The following GTSE1 variants were observed in gnomAD, a reference collection of about 807,000 sequenced individuals.
GTSE1 encodes the protein G2 and S phase-expressed protein 1.
In GTSE1, 52 loss-of-function variants were observed where a neutral mutation model predicts 60.5. The ratio of observed to expected loss-of-function variants is 0.86; its 90% CI spans 0.69 to 1.08. GTSE1 has a LOEUF of 1.08. GTSE1 is among the 50% of genes least tolerant of loss of function. GTSE1 has a pLI of 0.00. For synonymous variants in GTSE1, 368 were observed against 386.5 expected (o/e 0.95, Z 0.56); for missense variants, 937 against 961.8 (o/e 0.97, Z 0.34).
intron 9 of GTSE1, among the ~76,000 whole-genome samples, chr22:46,328,087 G>A (rs1009999340): frequency 1.1e-4 from 16 of 152,350 alleles, no homozygotes; most frequent in African/African-American, 3.8e-4. Context: ...ATGGACCTGC[G>A]GCTTTGCTGG....
At chr22:46,315,930 T>G in intron 6 of GTSE1, 102 bp from the exon 7 acceptor site, 1 of 905,414 alleles carries the variant, frequency 1.1e-6, no homozygotes, top group Non-Finnish European at 1.7e-6. Flanking sequence ...TAATGTGTCT[T>G]ATGTTTAAGG....
chr22:46,329,501 C>T lies in GTSE1; in HGVS notation c.2070C>T (p.Ile690=), dbSNP rs758162381. ...VAVGSESRPL[I]DLMTNTPDMN... ...TAGGATCTGAAAGCAGGCCTCTGATCGACCTCATGACAAACACTCCAGACA... is the reference window on the plus strand; with the variant it reads ...TAGGATCTGAAAGCAGGCCTCTGATTGACCTCATGACAAACACTCCAGACA... The change falls in exon 11 of 12, where the codon ATC becomes ATT. Residue 690 remains isoleucine (I), a synonymous_variant. Transcript: ENST00000454366. This position sits in a 1 kb window ranked among gnomAD's most constrained non-coding sequence, Gnocchi z 6.4. 22 of 1,614,188 alleles carry T rather than the reference C, an allele frequency of 1.4e-5. No homozygotes were observed. Among genetic ancestry groups the T allele is most frequent in the South Asian group, 2.2e-5 (2 of 91,076 alleles).
At position 46,304,159 on chromosome 22, in the gene GTSE1, T is replaced by C. The variant is rs1487519984; in HGVS notation, c.80-3991T>C. The stretch of plus-strand genomic sequence containing the variant: ...TATATGGCACCATACCCCGCTCATT[T>C]TTTTTTTTCTTTTTGTAGAGCTGGG... On this transcript the variant is annotated intron_variant, in intron 2 of 11. Transcript: ENST00000454366. The surrounding 1 kb of genome is among the most constrained non-coding windows in gnomAD (Gnocchi z 4.4). 6.6e-6 allele frequency among the ~76,000 whole-genome samples: 1 copy of C among 152,020 alleles called. No homozygotes were observed. Among genetic ancestry groups the C allele is most frequent in the Non-Finnish European group, 1.5e-5 (1 of 67,982 alleles).
At chr22:46,323,094 G>A in intron 7 of GTSE1, 96 bp from the exon 8 acceptor site, 1 of 828,858 alleles carries the variant, frequency 1.2e-6, no homozygotes. Context: ...GGACAGTGGA[G>A]ATACTCGGAG....
rs2077737537 is a variant in GTSE1, at chr22:46,309,693, C to CAGGAGATGGG, written c.762+750_762+751insAGGAGATGGG. Among the ~76,000 whole-genome samples the CAGGAGATGGG allele has an allele frequency of 6.6e-6, 1 of 152,200 alleles. No individual in the cohort carries two copies. Among genetic ancestry groups the CAGGAGATGGG allele is most frequent in the African/African-American group, 2.4e-5 (1 of 41,454 alleles). Reference sequence around the variant, plus strand: ...AGCCCATCTCCTGAGCCACATGACTCCCTGTGGTGAGAGCCAAGGATGGAA... The same window carrying CAGGAGATGGG: ...AGCCCATCTCCTGAGCCACATGACTCAGGAGATGGGCCTGTGGTGAGAGCCAAGGATGGAA... On this transcript the variant is annotated intron_variant, in intron 4 of 11. Transcript: ENST00000454366. The surrounding 1 kb of genome is among the most constrained non-coding windows in gnomAD (Gnocchi z 6.2).
In GTSE1 at chr22:46,320,473, C is replaced by T. The variant is rs555088729; in HGVS notation, c.1433-2717C>T. 2.0e-5 allele frequency among the ~76,000 whole-genome samples: 3 copies of T among 152,190 alleles called. No homozygotes were observed. The highest frequency in any genetic ancestry group is 3.9e-4 in the East Asian group (2 of 5,150). On this transcript the variant is annotated intron_variant, in intron 7 of 11. Coordinates refer to ENST00000454366, the MANE Select transcript of GTSE1 (RefSeq NM_016426.7). The surrounding 1 kb of genome is among the most constrained non-coding windows in gnomAD (Gnocchi z 7.1). ...TGGGAACACACAGCTCTGGGAGGCA[C>T]GTGGTGGTGTGCACTTTTTGGCTGA...
rs184950585 is a variant in GTSE1, at chr22:46,297,478, A to G, written c.78A>G (p.Glu26=). The G allele has an allele frequency of 1.2e-3, 1,929 of 1,605,742 alleles. 30 individuals are homozygous for G. Among genetic ancestry groups the G allele is most frequent in the Non-Finnish European group, 1.1e-4 (127 of 1,172,644 alleles). ...GDVNMDDPKK[E]DILLLADEKF... is the part of the protein sequence containing the mutation. Reference sequence around the variant, plus strand: ...TGAACATGGATGACCCTAAGAAGGAAGGCAAGTCCTTGCTGCTGCGGCGCT... The same window carrying G: ...TGAACATGGATGACCCTAAGAAGGAGGGCAAGTCCTTGCTGCTGCGGCGCT... The change falls in exon 2 of 12, where the codon GAA becomes GAG. Residue 26 remains glutamate (E), a splice_region_variant and synonymous_variant. Coordinates refer to ENST00000454366, the MANE Select transcript of GTSE1 (RefSeq NM_016426.7). This position sits in a 1 kb window ranked among gnomAD's most constrained non-coding sequence, Gnocchi z 4.9.
chr22:46,320,886 G>A lies in GTSE1; in HGVS notation c.1433-2304G>A, dbSNP rs191263316. On this transcript the variant is annotated intron_variant, in intron 7 of 11. Coordinates refer to ENST00000454366, the MANE Select transcript of GTSE1 (RefSeq NM_016426.7). This position sits in a 1 kb window ranked among gnomAD's most constrained non-coding sequence, Gnocchi z 7.1. ...TCGTGAGGGTGTCAGGAGATGGCTTGTTCGTGTTCTGTTTCATAAGAATGA... is the reference window on the plus strand; with the variant it reads ...TCGTGAGGGTGTCAGGAGATGGCTTATTCGTGTTCTGTTTCATAAGAATGA... 6.6e-6 allele frequency among the ~76,000 whole-genome samples: 1 copy of A among 152,226 alleles called. No individual in the cohort carries two copies. The highest frequency in any genetic ancestry group is 1.9e-4 in the East Asian group (1 of 5,162).
Position 46,313,643 on chromosome 22 carries a change from G to A in GTSE1, c.928-247G>A, listed in dbSNP as rs1451338393. Among the ~76,000 whole-genome samples the A allele has an allele frequency of 6.6e-6, 1 of 152,080 alleles. No homozygotes were observed. Among genetic ancestry groups the A allele is most frequent in the Non-Finnish European group, 1.5e-5 (1 of 68,026 alleles). ...CCTACCTCAGCCTCCCGAGTAGCTG[G>A]GACTACAGGTGCCTGCCACCATGCC... On this transcript the variant is annotated intron_variant, in intron 5 of 11. Transcript: ENST00000454366. The surrounding 1 kb of genome is among the most constrained non-coding windows in gnomAD (Gnocchi z 4.4).
Position 46,297,329 on chromosome 22 carries a change from A to T in GTSE1, c.-21-51A>T. 1.9e-6 allele frequency: 2 copies of T among 1,053,342 alleles called. No homozygotes were observed. Among genetic ancestry groups the T allele is most frequent in the Non-Finnish European group, 3.0e-6 (2 of 672,258 alleles). The allele number at this position is 1,053,342 out of a possible 1,614,324, so 65.2% of individuals were successfully genotyped here. On this transcript the variant is annotated intron_variant, in intron 1 of 11. Transcript: ENST00000454366. This position sits in a 1 kb window ranked among gnomAD's most constrained non-coding sequence, Gnocchi z 4.9. ...TGAGCCGAGGGCTGAAGGAAGCCGG[A>T]GCCCTGGGCCCTGACACGTACTCAC...
At chr22:46,307,435 A>T (rs1260960671) in intron 2 of GTSE1, among the ~76,000 whole-genome samples, 1 of 152,136 alleles carries the variant, frequency 6.6e-6, no homozygotes, top group Non-Finnish European at 1.5e-5. Flanking sequence ...CAGTGAATGC[A>T]TTTTAGATTA....
Position 46,330,038 on chromosome 22 carries a change from C to T in GTSE1, c.2137-9C>T. The T allele has an allele frequency of 3.8e-6, 6 of 1,583,426 alleles. No individual in the cohort carries two copies. The highest frequency in any genetic ancestry group is 4.3e-6 in the Non-Finnish European group (5 of 1,151,962). On this transcript the variant is annotated splice_polypyrimidine_tract_variant and intron_variant, in intron 11 of 11. Transcript: ENST00000454366. This position sits in a 1 kb window ranked among gnomAD's most constrained non-coding sequence, Gnocchi z 6.0. ...CCACGCTCACCTCCTCCACTCTGCT[C>T]TCTTCCAGCTCATAGACCTGAGCTC... is the stretch of plus-strand genomic sequence containing the variant.
intron 2 of GTSE1, among the ~76,000 whole-genome samples, chr22:46,301,645 G>T (rs1234471604): frequency 6.6e-6 from 1 of 151,716 alleles, no homozygotes; most frequent in African/African-American, 2.4e-5. Context: ...CTGCCACCAG[G>T]CCTGGCTAAT....
chr22:46,322,355 T>C (rs1333331633), intron 7 of GTSE1, among the ~76,000 whole-genome samples: 3 of 152,124 alleles, frequency 2.0e-5, no homozygotes, highest in Admixed American at 2.0e-4. Context: ...CACCCTTCCC[T>C]CTTGGTGCTG....
rs80119813 is a variant in GTSE1 at position 46,317,754 on chromosome 22, A to G, written c.1432+1342A>G. ...CCTCCCGCCACCGGCGTCCTTCCCA[A>G]GGCCTCTGCTGCACACCCGTGTGTC... is the stretch of plus-strand genomic sequence containing the variant. On this transcript the variant is annotated intron_variant, in intron 7 of 11. Transcript: ENST00000454366. The surrounding 1 kb of genome is among the most constrained non-coding windows in gnomAD (Gnocchi z 5.6). Among the ~76,000 whole-genome samples the G allele has an allele frequency of 0.025, 3,855 of 152,312 alleles. 167 individuals carry two copies. The highest frequency in any genetic ancestry group is 0.086 in the African/African-American group (3,570 of 41,562).
Position 46,297,454 on chromosome 22 carries a change from G to A in GTSE1, c.54G>A (p.Val18=). ...DEPSACRAGD[V]NMDDPKKEDI... ...CTTCAGCCTGCCGGGCAGGGGACGT[G>A]AACATGGATGACCCTAAGAAGGAAG... The change falls in exon 2 of 12, where the codon GTG becomes GTA. Residue 18 remains valine (V), a synonymous_variant. Transcript: ENST00000454366. This position sits in a 1 kb window ranked among gnomAD's most constrained non-coding sequence, Gnocchi z 4.9. 6.2e-7 allele frequency: 1 copy of A among 1,613,488 alleles called. No individual in the cohort carries two copies. Among genetic ancestry groups the A allele is most frequent in the Non-Finnish European group, 8.5e-7 (1 of 1,179,398 alleles).
At chr22:46,299,065 T>TTGC (rs2077674512) in intron 2 of GTSE1, among the ~76,000 whole-genome samples, 2 of 152,246 alleles carry the variant, frequency 1.3e-5, no homozygotes, top group Admixed American at 1.3e-4. Flanking sequence ...GACTTCCACA[T>TTGC]TGCTGAATCT....
rs147042849 is a variant in GTSE1, at chr22:46,308,403, G to A, written c.222G>A (p.Pro74=). Residue 74 remains proline, a synonymous_variant, in exon 4 of 12, where the codon CCG becomes CCA. Transcript: ENST00000454366. The part of the protein sequence containing the change: ...CIAASLELNN[P]VPEQPPLPTS... The stretch of plus-strand genomic sequence containing the variant: ...CTGCCAGCTTGGAATTAAATAATCC[G>A]GTTCCCGAACAGCCTCCGTTGCCCA... The A allele has an allele frequency of 5.6e-5, 90 of 1,613,996 alleles. No individual in the cohort carries two copies. The highest frequency in any genetic ancestry group is 1.2e-4 in the African/African-American group (9 of 74,902).
intron 2 of GTSE1, among the ~76,000 whole-genome samples, chr22:46,303,141 C>G (rs2077698584): frequency 6.6e-6 from 1 of 152,038 alleles, no homozygotes; most frequent in African/African-American, 2.4e-5. Context: ...ACCTTGTGAT[C>G]CACCCTCCTC....
Sources: allele counts gnomAD v4.1 joint callset (sites outside exome capture counted in the v4.1 genomes callset), GRCh38; gene constraint gnomAD v4.1.1; non-coding constraint Gnocchi (gnomAD v3.1); transcripts MANE v1.5; gene names NCBI Gene and HGNC (gene_info 2026-07-23, HGNC 2026-07-21).